NLRP3: variants seen among roughly 807,000 people sequenced by gnomAD.
The protein encoded by NLRP3 is NACHT, LRR and PYD domains-containing protein 3.
NLRP3 carries 48 observed loss-of-function variants against 91.3 expected under a neutral mutation model. The ratio of observed to expected loss-of-function variants is 0.53; its 90% CI spans 0.42 to 0.67. NLRP3 has a LOEUF of 0.67. Among genes scored for constraint, NLRP3 ranks in the 30% least tolerant of loss-of-function variants. The probability of loss-of-function intolerance (pLI) is 0.00; values close to 1 mark genes in which losing one functional copy is unlikely to be tolerated. For synonymous variants in NLRP3, 561 were observed against 507.9 expected (o/e 1.10, Z -1.41); for missense variants, 982 against 1,276.9 (o/e 0.77, Z 3.52).
At chr1:247,448,286 TTTTTA>T in intron 9 of NLRP3, 114 bp from the exon 10 acceptor site, 1 of 521,610 alleles carries the variant, frequency 1.9e-6, no homozygotes, top group South Asian at 1.9e-5. Flanking sequence ...TTTTTTTTTT[TTTTTA>T]CATTTTAGAA....
chr1:247,433,952 T>TCC (rs1452646151), intron 5 of NLRP3, 151 bp from the exon 6 acceptor site: 16,205 of 547,532 alleles, frequency 0.03, 96 homozygotes, highest in East Asian at 0.055. Context: ...TTCTGATGCT[T>TCC]TCTGTATTCC....
intron 3 of NLRP3, 94 bp from the exon 4 acceptor site, chr1:247,423,753 G>A (rs1216292081): frequency 1.8e-6 from 2 of 1,126,352 alleles, no homozygotes; most frequent in African/African-American, 3.1e-5. Context: ...CTCCATTCCG[G>A]TTACCACTCG....
At position 247,424,886 on chromosome 1, in the gene NLRP3, A is replaced by T; in HGVS notation, c.1437A>T (p.Lys479Asn). The stretch of plus-strand genomic sequence containing the variant: ...CTGCAGATGGAATCTGGAACCAGAA[A>T]ATCCTGTTTGAGGAGTCCGACCTCA... ...SLAADGIWNQKILFEESDLRN... is the reference protein window; with the variant it reads ...SLAADGIWNQNILFEESDLRN... Residue 479 changes from lysine to asparagine, a missense_variant, in exon 4 of 10, where the codon AAA becomes AAT. This residue lies in a region of NLRP3 where 548 missense variants were observed against 713.7 expected (regional missense o/e 0.77). Coordinates refer to ENST00000336119, the MANE Select transcript of NLRP3 (RefSeq NM_001243133.2). The surrounding 1 kb of genome is among the most constrained non-coding windows in gnomAD (Gnocchi z 8.1). 1.9e-6 allele frequency: 3 copies of T among 1,610,136 alleles called. No individual in the cohort carries two copies. The highest frequency in any genetic ancestry group is 2.5e-6 in the Non-Finnish European group (3 of 1,180,006).
chr1:247,431,232 C>T (rs138919300), intron 5 of NLRP3, among the ~76,000 whole-genome samples: 1 of 151,708 alleles, frequency 6.6e-6, no homozygotes, highest in African/African-American at 2.4e-5. Flanking sequence ...TGCTTTCTCC[C>T]ACACCATGAA....
At chr1:247,423,805 A>G (rs983319305) in intron 3 of NLRP3, 42 bp from the exon 4 acceptor site, 1 of 1,567,468 alleles carries the variant, frequency 6.4e-7, no homozygotes, top group Non-Finnish European at 8.8e-7. Flanking sequence ...TCTCAGGTGG[A>G]TGTGTGTATA....
In NLRP3 at chr1:247,425,164, T is replaced by C. The variant is rs1250796373; in HGVS notation, c.1715T>C (p.Ile572Thr). 1 of 1,614,018 alleles carries C rather than the reference T, an allele frequency of 6.2e-7. No individual in the cohort carries two copies. The part of the protein sequence containing the change: ...NYGKFEKGYL[I>T]FVVRFLFGLV... ...GGCAAATTCGAAAAGGGGTATTTGATTTTTGTTGTACGTTTCCTCTTTGGC... is the reference window on the plus strand; with the variant it reads ...GGCAAATTCGAAAAGGGGTATTTGACTTTTGTTGTACGTTTCCTCTTTGGC... Residue 572 changes from isoleucine to threonine, a missense_variant, in exon 4 of 10, where the codon ATT (isoleucine) becomes ACT (threonine). Ile to Thr is a moderately conservative substitution (Grantham distance 89). Around this residue, in one of 5 missense-constraint regions of NLRP3, gnomAD observed 0 missense variants for 16.1 expected, o/e 0.00. Coordinates refer to ENST00000336119, the MANE Select transcript of NLRP3 (RefSeq NM_001243133.2). This position sits in a 1 kb window ranked among gnomAD's most constrained non-coding sequence, Gnocchi z 4.1.
Position 247,427,478 on chromosome 1 carries a change from C to T in NLRP3, c.2150+1879C>T, listed in dbSNP as rs148208817. Among the ~76,000 whole-genome samples, 1,122 of 152,116 alleles carry T rather than the reference C, an allele frequency of 7.4e-3. 16 individuals are homozygous for T. Among genetic ancestry groups the T allele is most frequent in the African/African-American group, 0.025 (1,021 of 41,362 alleles). On this transcript the variant is annotated intron_variant, in intron 4 of 9. Coordinates refer to ENST00000336119, the MANE Select transcript of NLRP3 (RefSeq NM_001243133.2). ...GGTTTGCACACTCTCACTGAAGCCC[C>T]GGTAGGAGGCTCAGCACCCATTTCT...
At chr1:247,422,736 T>C (rs2103100120) in intron 2 of NLRP3, among the ~76,000 whole-genome samples, 1 of 152,322 alleles carries the variant, frequency 6.6e-6, no homozygotes, top group South Asian at 2.1e-4. Flanking sequence ...AATAGACTGG[T>C]CGTTCTCACT....
At position 247,448,791 on chromosome 1, in the gene NLRP3, C is replaced by A; in HGVS notation, c.*287C>A. 2.2e-6 allele frequency: 1 copy of A among 455,876 alleles called. No homozygotes were observed. The highest frequency in any genetic ancestry group is 4.0e-6 in the Non-Finnish European group (1 of 248,484). The allele number at this position is 455,876 out of a possible 1,614,324, so 28.2% of individuals were successfully genotyped here. A position where few individuals can be genotyped will look rare whatever the true frequency, so the allele number is the denominator to read the frequency against. On this transcript the variant is annotated 3_prime_UTR_variant, in exon 10 of 10. Transcript: ENST00000336119. ...TCTTGGTGACCTCATGTAATTAGCT[C>A]ATTCAATAAAGCACTTTCTTTATTT... is the stretch of plus-strand genomic sequence containing the variant.
chr1:247,426,498 G>C (rs1357785460), intron 4 of NLRP3, among the ~76,000 whole-genome samples: 1 of 152,194 alleles, frequency 6.6e-6, no homozygotes, highest in Non-Finnish European at 1.5e-5. Context: ...GACACTTGAC[G>C]TGGGGCAAAA....
rs200900704 is a variant in NLRP3, at chr1:247,424,313, C to G, written c.864C>G (p.Ile288Met). 23 of 1,598,528 alleles carry G rather than the reference C, an allele frequency of 1.4e-5. No homozygotes were observed. Among genetic ancestry groups the G allele is most frequent in the Middle Eastern group, 1.7e-4 (1 of 5,998 alleles). ...ACCCAAACCCACCCATCCACAAGAT[C>G]GTGAGAAAACCCTCCAGAATCCTCT... Reference protein sequence around the residue: ...CPDPNPPIHKIVRKPSRILFL... With the variant: ...CPDPNPPIHKMVRKPSRILFL... Residue 288 changes from isoleucine to methionine, a missense_variant, in exon 4 of 10, where the codon ATC becomes ATG. This residue lies in a region of NLRP3 where 548 missense variants were observed against 713.7 expected (regional missense o/e 0.77). Transcript: ENST00000336119. This position sits in a 1 kb window ranked among gnomAD's most constrained non-coding sequence, Gnocchi z 8.1.
intron 7 of NLRP3, among the ~76,000 whole-genome samples, chr1:247,438,260 G>A (rs568457916): frequency 1.1e-4 from 16 of 151,784 alleles, no homozygotes; most frequent in East Asian, 3.9e-4. Context: ...AGCCTTCTTC[G>A]CTCTTATTTT....
chr1:247,418,451 G>A lies in NLRP3; in HGVS notation c.-350G>A, dbSNP rs1211284700. ...TGAGTAGCTGGGATTACAGGCGCCC[G>A]CCACCACACCCGGCTCATTTTTGTA... On this transcript the variant is annotated 5_prime_UTR_variant, in exon 2 of 10. Transcript: ENST00000336119. The A allele has an allele frequency of 1.8e-5, 6 of 332,378 alleles. No homozygotes were observed. The highest frequency in any genetic ancestry group is 3.5e-5 in the Non-Finnish European group (6 of 170,770). The allele number at this position is 332,378 out of a possible 1,614,324, so 20.6% of individuals were successfully genotyped here.
intron 6 of NLRP3, 100 bp downstream of exon 6, chr1:247,434,373 G>A (rs1473562967): frequency 2.3e-6 from 3 of 1,280,844 alleles, no homozygotes; most frequent in Non-Finnish European, 3.4e-6. Flanking sequence ...AGTGAGAATG[G>A]CCTTGGCGGC....
At chr1:247,435,609 G>A (rs979313709) in intron 6 of NLRP3, among the ~76,000 whole-genome samples, 5 of 152,214 alleles carry the variant, frequency 3.3e-5, no homozygotes, top group African/African-American at 7.2e-5. Flanking sequence ...TTTCAGTTCT[G>A]CAAGATGAAA....
At chr1:247,444,518 G>A (rs1017691544) in intron 8 of NLRP3, 133 bp from the exon 9 acceptor site, 9 of 889,762 alleles carry the variant, frequency 1.0e-5, no homozygotes, top group Non-Finnish European at 1.7e-5. Flanking sequence ...AAGGCTGCTT[G>A]AAGCTAGTTA....
At chr1:247,429,477 C>T (rs919975107) in intron 4 of NLRP3, 108 bp from the exon 5 acceptor site, 2 of 1,249,576 alleles carry the variant, frequency 1.6e-6, no homozygotes, top group African/African-American at 1.5e-5. Context: ...TTTCTTAATC[C>T]CCGGAAGGCA....
rs1463307642 is a variant in NLRP3 at position 247,425,674 on chromosome 1, C to G, written c.2150+75C>G. 3.8e-6 allele frequency: 5 copies of G among 1,329,232 alleles called. No homozygotes were observed. Among genetic ancestry groups the G allele is most frequent in the Non-Finnish European group, 5.3e-6 (5 of 939,154 alleles). The allele number at this position is 1,329,232 out of a possible 1,614,324, so 82.3% of individuals were successfully genotyped here. A position where few individuals can be genotyped will look rare whatever the true frequency, so the allele number is the denominator to read the frequency against. The stretch of plus-strand genomic sequence containing the variant: ...CTTCTTGGCGCTTGCCTCCTCTCAT[C>G]TCTTTTCAACTATCTTCCAAATACT... On this transcript the variant is annotated intron_variant, in intron 4 of 9. Coordinates refer to ENST00000336119, the MANE Select transcript of NLRP3 (RefSeq NM_001243133.2). This position sits in a 1 kb window ranked among gnomAD's most constrained non-coding sequence, Gnocchi z 4.1.
chr1:247,434,419 G>C (rs1663635505), intron 6 of NLRP3, 146 bp downstream of exon 6: 1 of 813,062 alleles, frequency 1.2e-6, no homozygotes, highest in Admixed American at 1.9e-5. Flanking sequence ...GGGGTGTCTA[G>C]CATTGCGGTC....
Sources: gnomAD v4.1 joint callset for allele counts (sites outside exome capture counted in the v4.1 genomes callset) on GRCh38, gnomAD v4.1.1 for gene constraint, gnomAD v4.1.1 regional missense constraint, Gnocchi (gnomAD v3.1) non-coding constraint, MANE v1.5 for transcripts, NCBI Gene and HGNC (gene_info 2026-07-23, HGNC 2026-07-21) for gene names.